Variants in HIBCH observed in about 807,000 individuals in gnomAD.
HIBCH encodes 3-hydroxyisobutyryl-CoA hydrolase, mitochondrial.
Under a neutral mutation model 58.2 loss-of-function variants are expected in HIBCH, and 50 were observed. That is an observed-to-expected ratio of 0.86 (90% CI 0.68 to 1.09). The LOEUF (loss-of-function observed/expected upper bound fraction) is 1.09, where lower values mean the gene tolerates loss of function less well. HIBCH is among the 50% of genes least tolerant of loss of function. The pLI is 0.00. For missense variants in HIBCH, 450 were observed against 449.7 expected, an observed-to-expected ratio of 1.00 and a Z score of -0.01; for synonymous variants, 151 against 146.9, an observed-to-expected ratio of 1.03 and a Z score of -0.20.
chr2:190,309,231 C>T (rs573507592), intron 2 of HIBCH, among the ~76,000 whole-genome samples: 2 of 152,212 alleles, frequency 1.3e-5, no homozygotes, highest in South Asian at 4.2e-4. Flanking sequence ...AATGTATTTA[C>T]CACAAACTAA....
At chr2:190,228,398 T>G (rs1234162574) in intron 11 of HIBCH, among the ~76,000 whole-genome samples, 3 of 114,474 alleles carry the variant, frequency 2.6e-5, no homozygotes, top group South Asian at 3.6e-4. Flanking sequence ...CCAGGGACTG[T>G]TGTGGGGTGG....
At position 190,294,022 on chromosome 2, in the gene HIBCH, GTATATATA is replaced by G. The variant is rs1553505756; in HGVS notation, c.304+516_304+523del. Reference sequence around the variant, plus strand: ...ATATTTTGTAATATATATTTTGTGTGTATATATATATATATATATATATATATATATAG... The same window carrying G: ...ATATTTTGTAATATATATTTTGTGTGTATATATATATATATATATATATAG... On this transcript the variant is annotated intron_variant, in intron 4 of 13. Transcript: ENST00000359678. Among the ~76,000 whole-genome samples, 546 of 83,016 alleles carry G rather than the reference GTATATATA, an allele frequency of 6.6e-3. 6 individuals are homozygous for G. Among genetic ancestry groups the G allele is most frequent in the African/African-American group, 0.02 (477 of 23,466 alleles). 54.5% of individuals were successfully genotyped at this position (83,016 alleles called of 152,430 possible).
At position 190,306,844 on chromosome 2, in the gene HIBCH, C is replaced by T. The variant is rs1254078451; in HGVS notation, c.78+3910G>A. 3.3e-5 allele frequency among the ~76,000 whole-genome samples: 5 copies of T among 152,028 alleles called. No homozygotes were observed. Among genetic ancestry groups the T allele is most frequent in the Admixed American group, 1.3e-4 (2 of 15,250 alleles). ...TGTCAGCCCTCATGAATGAGATTAA[C>T]GCCCTTATAAAAGAAACCCTGGAGA... On this transcript the variant is annotated intron_variant, in intron 2 of 13. Transcript: ENST00000359678. The surrounding 1 kb of genome is among the most constrained non-coding windows in gnomAD (Gnocchi z 4.6).
downstream of HIBCH, among the ~76,000 whole-genome samples, chr2:190,203,677 C>T (rs1388968152): frequency 2.0e-5 from 3 of 151,926 alleles, no homozygotes; most frequent in African/African-American, 4.8e-5. Flanking sequence ...TAAATGTATC[C>T]GATATCATGG....
chr2:190,295,974 T>TG (rs1158368006), intron 3 of HIBCH, among the ~76,000 whole-genome samples: 6 of 152,210 alleles, frequency 3.9e-5, no homozygotes, highest in Non-Finnish European at 8.8e-5. Context: ...ATTTGAGGTA[T>TG]GGAGAGATTA....
Position 190,297,035 on chromosome 2 carries a change from C to G in HIBCH, c.79-82G>C, listed in dbSNP as rs563208378. ...AACATCAAAACATACATATCAAATG[C>G]AAATCTTGCATATTAATGGTAACTA... On this transcript the variant is annotated intron_variant, in intron 2 of 13. Coordinates refer to ENST00000359678, the MANE Select transcript of HIBCH (RefSeq NM_014362.4). 12 of 1,272,040 alleles carry G rather than the reference C, an allele frequency of 9.4e-6. No individual in the cohort carries two copies. The South Asian group carries it at 9.8e-5, about 10-fold the overall frequency. 78.8% of individuals were successfully genotyped at this position (1,272,040 alleles called of 1,614,324 possible). A position where few individuals can be genotyped will look rare whatever the true frequency, so the allele number is the denominator to read the frequency against.
chr2:190,309,899 G>C (rs1158195536), intron 2 of HIBCH, among the ~76,000 whole-genome samples: 1 of 152,120 alleles, frequency 6.6e-6, no homozygotes, highest in Non-Finnish European at 1.5e-5. Flanking sequence ...AGGATGAAAA[G>C]TATTTTTCCT....
chr2:190,291,560 G>T (rs976736286), intron 4 of HIBCH, among the ~76,000 whole-genome samples: 4 of 152,114 alleles, frequency 2.6e-5, no homozygotes, highest in Admixed American at 2.0e-4. Flanking sequence ...AAGGGCAAAG[G>T]GAAAAGGTGA....
chr2:190,288,511 T>A (rs1168435035), intron 5 of HIBCH, among the ~76,000 whole-genome samples: 1 of 150,326 alleles, frequency 6.7e-6, no homozygotes, highest in African/African-American at 2.5e-5. Flanking sequence ...CAACTATCTA[T>A]GTTAGTAACT....
chr2:190,199,865 G>A (rs200124996), downstream of HIBCH: 462 of 1,613,250 alleles, frequency 2.9e-4, 2 homozygotes, highest in Admixed American at 1.1e-3. Context: ...CATAACATGG[G>A]CTGCATGAAA....
At chr2:190,227,002 C>A (rs557161285) in intron 11 of HIBCH, among the ~76,000 whole-genome samples, 2 of 152,244 alleles carry the variant, frequency 1.3e-5, no homozygotes, top group African/African-American at 4.8e-5. Flanking sequence ...GGCCATACTG[C>A]CCAAGGTAAT....
intron 11 of HIBCH, among the ~76,000 whole-genome samples, chr2:190,228,967 T>C (rs1389362474): frequency 6.6e-6 from 1 of 152,168 alleles, no homozygotes; most frequent in South Asian, 2.1e-4. Flanking sequence ...CAAAGAACCC[T>C]TCTTTTGACA....
chr2:190,227,456 C>G (rs997458536), intron 11 of HIBCH, among the ~76,000 whole-genome samples: 17 of 152,118 alleles, frequency 1.1e-4, no homozygotes, highest in Non-Finnish European at 2.1e-4. Flanking sequence ...AGACCTAAAA[C>G]CATAAAAACC....
intron 1 of HIBCH, among the ~76,000 whole-genome samples, chr2:190,314,387 A>G (rs1688658299): frequency 1.1e-5 from 1 of 92,448 alleles, no homozygotes; most frequent in Non-Finnish European, 2.4e-5. Context: ...ATGTGTATAT[A>G]TATGTATATA....
rs1041655168 is a variant in HIBCH at position 190,231,934 on chromosome 2, A to G, written c.891+12953T>C. Among the ~76,000 whole-genome samples, 3 of 152,290 alleles carry G rather than the reference A, an allele frequency of 2.0e-5. No individual in the cohort carries two copies. The East Asian group carries it at 5.8e-4, about 29-fold the overall frequency. ...ATTTCAGGGCAGCATGGTGGCTTAC[A>G]CATGTAATCCTAACACTTTGGGAGG... On this transcript the variant is annotated intron_variant, in intron 11 of 13. Coordinates refer to ENST00000359678, the MANE Select transcript of HIBCH (RefSeq NM_014362.4).
At chr2:190,252,073 T>G (rs971480585) in intron 8 of HIBCH, 89 bp downstream of exon 8, 2 of 1,214,812 alleles carry the variant, frequency 1.6e-6, no homozygotes, top group South Asian at 2.4e-5. Flanking sequence ...ACCAGAAGTC[T>G]GTGGCTCTCA....
intron 2 of HIBCH, among the ~76,000 whole-genome samples, chr2:190,299,955 G>C (rs1325844371): frequency 6.8e-6 from 1 of 147,486 alleles, no homozygotes; most frequent in Non-Finnish European, 1.5e-5. Context: ...TGCTAAGGAT[G>C]ATGGCCTCCA....
At position 190,209,063 on chromosome 2, in the gene HIBCH, C is replaced by T; in HGVS notation, c.1012-150G>A. ...AGACTGAACCACCTCTGATAGCCCA[C>T]TCTCTGATCACCACCTCCTAAATCT... On this transcript the variant is annotated intron_variant, in intron 12 of 13. Transcript: ENST00000359678. This position sits in a 1 kb window ranked among gnomAD's most constrained non-coding sequence, Gnocchi z 5.6. 1.4e-6 allele frequency: 1 copy of T among 713,814 alleles called. No homozygotes were observed. The highest frequency in any genetic ancestry group is 2.5e-6 in the Non-Finnish European group (1 of 395,880). 44.2% of individuals were successfully genotyped at this position (713,814 alleles called of 1,614,324 possible). A position where few individuals can be genotyped will look rare whatever the true frequency, so the allele number is the denominator to read the frequency against.
intron 13 of HIBCH, among the ~76,000 whole-genome samples, chr2:190,205,553 C>A (rs1275296855): frequency 6.6e-6 from 1 of 152,002 alleles, no homozygotes; most frequent in Non-Finnish European, 1.5e-5. Context: ...CCAGTGAAAC[C>A]TCCACATTAC....
Sources: gnomAD v4.1 joint callset for allele counts (sites outside exome capture counted in the v4.1 genomes callset) on GRCh38, gnomAD v4.1.1 for gene constraint, Gnocchi (gnomAD v3.1) non-coding constraint, MANE v1.5 for transcripts, NCBI Gene and HGNC (gene_info 2026-07-23, HGNC 2026-07-21) for gene names.